MAF: variants seen among roughly 807,000 people sequenced by gnomAD.
MAF encodes the protein MAF bZIP transcription factor.
Under a neutral mutation model 22.0 loss-of-function variants are expected in MAF, and 10 were observed. The observed-to-expected ratio is 0.45, with a 90% CI of 0.28 to 0.77. The LOEUF is 0.77. Among genes scored for constraint, MAF ranks in the 30% least tolerant of loss-of-function variants. MAF has a pLI of 0.12. For missense variants in MAF, 544 were observed against 548.4 expected (o/e 0.99, Z 0.08); for synonymous variants, 337 against 255.8 (o/e 1.32, Z -3.03).
At chr16:79,579,481 C>T in the MAF span, among the ~76,000 whole-genome samples, 12 of 151,952 alleles carry the variant, frequency 7.9e-5, no homozygotes, top group African/African-American at 4.8e-5. Context: ...ACCCCAAAGT[C>T]GGTTTTTACA....
chr16:79,399,122 T>C, the MAF span, among the ~76,000 whole-genome samples: 3 of 152,154 alleles, frequency 2.0e-5, no homozygotes, highest in South Asian at 2.1e-4. Flanking sequence ...TCCGTGGGCG[T>C]TGGAATGGAC....
the MAF span, chr16:79,211,635 T>A: frequency 6.2e-7 from 1 of 1,614,250 alleles, no homozygotes; most frequent in Non-Finnish European, 8.5e-7. Flanking sequence ...CACCGTGTAC[T>A]GTGCTGCTGT....
the MAF span, among the ~76,000 whole-genome samples, chr16:79,485,952 C>G: frequency 7.9e-5 from 12 of 152,208 alleles, no homozygotes; most frequent in African/African-American, 2.9e-4. Context: ...TGATGGAACT[C>G]TATAAGGATC....
the MAF span, among the ~76,000 whole-genome samples, chr16:79,448,989 C>CAA: frequency 3.3e-5 from 5 of 152,066 alleles, no homozygotes; most frequent in Non-Finnish European, 2.9e-5. Flanking sequence ...TACAACTCAC[C>CAA]ATAACATAGA....
the MAF span, among the ~76,000 whole-genome samples, chr16:79,354,657 T>C: frequency 5.3e-5 from 8 of 152,210 alleles, no homozygotes; most frequent in Non-Finnish European, 8.8e-5. Context: ...GTGATAGCAA[T>C]GTGCCATTTT....
chr16:79,507,114 CTT>C, the MAF span, among the ~76,000 whole-genome samples: 434 of 115,126 alleles, frequency 3.8e-3, no homozygotes, highest in African/African-American at 6.5e-3. Context: ...TTTTCTGCGT[CTT>C]TTTTTTTTTT....
chr16:79,463,842 C>A, the MAF span, among the ~76,000 whole-genome samples: 2 of 151,144 alleles, frequency 1.3e-5, no homozygotes, highest in South Asian at 4.2e-4. Flanking sequence ...TGGCTTCTTT[C>A]TAATTTAGTT....
At chr16:79,490,542 T>C in the MAF span, among the ~76,000 whole-genome samples, 3 of 152,322 alleles carry the variant, frequency 2.0e-5, no homozygotes, top group Admixed American at 2.0e-4. Flanking sequence ...CAGATCTATA[T>C]GCACTGACAT....
At chr16:79,339,502 G>C in the MAF span, among the ~76,000 whole-genome samples, 1 of 152,210 alleles carries the variant, frequency 6.6e-6, no homozygotes, top group Non-Finnish European at 1.5e-5. Flanking sequence ...GTATGGAAGA[G>C]AGCCACTCTA....
chr16:79,263,307 T>G, the MAF span, among the ~76,000 whole-genome samples: 1 of 152,176 alleles, frequency 6.6e-6, no homozygotes, highest in African/African-American at 2.4e-5. Flanking sequence ...CTAAGGGAAG[T>G]CAAGACAGAG....
chr16:79,528,226 T>C, the MAF span, among the ~76,000 whole-genome samples: 1 of 152,188 alleles, frequency 6.6e-6, no homozygotes, highest in Non-Finnish European at 1.5e-5. Flanking sequence ...CCCTCTTTAG[T>C]TTCTTGGCCA....
the MAF span, among the ~76,000 whole-genome samples, chr16:79,279,818 T>A: frequency 1.3e-5 from 2 of 152,230 alleles, no homozygotes; most frequent in Non-Finnish European, 2.9e-5. Context: ...TTATTGTTTT[T>A]AAAATAACTC....
the MAF span, among the ~76,000 whole-genome samples, chr16:79,434,229 T>G: frequency 2.6e-4 from 40 of 152,308 alleles, no homozygotes; most frequent in Non-Finnish European, 3.2e-4. Flanking sequence ...TTAAATAAAA[T>G]AAGAAAATGA....
the MAF span, among the ~76,000 whole-genome samples, chr16:79,469,347 G>C: frequency 1.3e-5 from 2 of 152,172 alleles, no homozygotes; most frequent in African/African-American, 4.8e-5. Flanking sequence ...TAAATGGTGA[G>C]TGGTTAAAAA....
At chr16:79,459,984 A>C in the MAF span, among the ~76,000 whole-genome samples, 3 of 152,190 alleles carry the variant, frequency 2.0e-5, no homozygotes. Flanking sequence ...GGGTATGTGC[A>C]TTTAAAATAT....
chr16:79,465,577 G>T, the MAF span, among the ~76,000 whole-genome samples: 1 of 152,162 alleles, frequency 6.6e-6, no homozygotes, highest in African/African-American at 2.4e-5. Context: ...TCCAGCCCGG[G>T]TGACAGAGCG....
the MAF span, among the ~76,000 whole-genome samples, chr16:79,276,751 C>T: frequency 6.6e-6 from 1 of 152,140 alleles, no homozygotes; most frequent in African/African-American, 2.4e-5. Flanking sequence ...TGTTCATTTC[C>T]TGGGATTGCC....
At chr16:79,440,338 G>C in the MAF span, among the ~76,000 whole-genome samples, 1,236 of 152,370 alleles carry the variant, frequency 8.1e-3, 7 homozygotes, top group Middle Eastern at 0.014. Context: ...CTTTGTACCA[G>C]TGTGGTGCCT....
At chr16:79,237,155 T>A in the MAF span, among the ~76,000 whole-genome samples, 1 of 152,020 alleles carries the variant, frequency 6.6e-6, no homozygotes, top group Non-Finnish European at 1.5e-5. Flanking sequence ...TAATTACAGA[T>A]GAAATAATAA....
Sources: allele counts gnomAD v4.1 joint callset (sites outside exome capture counted in the v4.1 genomes callset), GRCh38; gene constraint gnomAD v4.1.1; transcripts MANE v1.5; gene names NCBI Gene and HGNC (gene_info 2026-07-23, HGNC 2026-07-21).